Variants in RTN3 observed in about 807,000 individuals in gnomAD.
The protein encoded by RTN3 is reticulon 3, also known as reticulon-3.
RTN3 carries 49 observed loss-of-function variants against 77.8 expected under a neutral mutation model. The observed-to-expected ratio is 0.63, with a 90% CI of 0.50 to 0.80. The LOEUF (loss-of-function observed/expected upper bound fraction) is 0.80, where lower values mean the gene tolerates loss of function less well. RTN3 is among the 30% of genes least tolerant of loss of function. RTN3 has a pLI of 0.00. For missense variants in RTN3, 1,236 were observed against 1,211.9 expected (o/e 1.02, Z -0.29); for synonymous variants, 464 against 446.9 (o/e 1.04, Z -0.48).
intron 1 of RTN3, among the ~76,000 whole-genome samples, chr11:63,682,379 G>A (rs1941106934): frequency 6.6e-6 from 1 of 151,972 alleles, no homozygotes; most frequent in African/African-American, 2.4e-5. Context: ...CATGAATGCC[G>A]GATTTTTCTG....
intron 3 of RTN3, among the ~76,000 whole-genome samples, chr11:63,735,594 CTCTCTCTT>C (rs1165026245): frequency 1.3e-4 from 19 of 148,924 alleles, no homozygotes; most frequent in African/African-American, 3.8e-4. Context: ...CTCTCTCTCT[CTCTCTCTT>C]TCTTTCAACC....
chr11:63,734,781 A>ACACACCCACCCCCCC (rs778043704), intron 3 of RTN3, among the ~76,000 whole-genome samples: 1 of 105,000 alleles, frequency 9.5e-6, no homozygotes, highest in African/African-American at 3.9e-5. Flanking sequence ...ACACACACAC[A>ACACACCCACCCCCCC]CCATACTGGA....
rs761525992 is a variant in RTN3 at position 63,718,905 on chromosome 11, G to A, written c.403G>A (p.Gly135Arg). Residue 135 changes from glycine to arginine, a missense_variant, in exon 3 of 9, where the codon GGG (glycine) becomes AGG (arginine). By Grantham distance (125) the Gly-to-Arg change is moderately radical. Transcript: ENST00000377819. The part of the protein sequence containing the change: ...LDMKKMEKPQ[G>R]TSNNVSDSSV... ...TATGAAAAAGATGGAAAAGCCTCAG[G>A]GGACCAGCAACAACGTATCAGACTC... is the stretch of plus-strand genomic sequence containing the variant. 6.2e-7 allele frequency: 1 copy of A among 1,614,114 alleles called. No individual in the cohort carries two copies. Among genetic ancestry groups the A allele is most frequent in the Non-Finnish European group, 8.5e-7 (1 of 1,180,020 alleles).
At chr11:63,758,013 G>A (rs2014472295) in intron 8 of RTN3, 143 bp from the exon 9 acceptor site, 6 of 630,894 alleles carry the variant, frequency 9.5e-6, no homozygotes, top group Non-Finnish European at 1.7e-5. Context: ...ACACGCGTGA[G>A]CCACCATACC....
rs533071564 is a variant in RTN3, at chr11:63,705,075, T to C, written c.199+168T>C. ...GCAGTTTCCAGTGGGTTTCGTGTAA[T>C]GGTTAATAAAGTAAAATGAGGCTGG... On this transcript the variant is annotated intron_variant, in intron 2 of 8. Coordinates refer to ENST00000377819, the MANE Select transcript of RTN3 (RefSeq NM_001265589.2). Among the ~76,000 whole-genome samples, 4 of 152,304 alleles carry C rather than the reference T, an allele frequency of 2.6e-5. No individual in the cohort carries two copies. The East Asian group carries it at 5.8e-4, about 22-fold the overall frequency.
intron 1 of RTN3, among the ~76,000 whole-genome samples, chr11:63,697,743 TG>T (rs1942037415): frequency 2.0e-5 from 3 of 152,176 alleles, no homozygotes; most frequent in South Asian, 4.1e-4. Context: ...CCCAAAGTGC[TG>T]GCATTACAGG....
At position 63,726,860 on chromosome 11, in the gene RTN3, T is replaced by TCA. The variant is rs780771200; in HGVS notation, c.2530+5828_2530+5829insCA. Among the ~76,000 whole-genome samples, 72 of 89,438 alleles carry TCA rather than the reference T, an allele frequency of 8.1e-4. 5 individuals are homozygous for TCA. The highest frequency in any genetic ancestry group is 2.1e-3 in the African/African-American group (54 of 25,646). 58.7% of individuals were successfully genotyped at this position (89,438 alleles called of 152,430 possible). On this transcript the variant is annotated intron_variant, in intron 3 of 8. Coordinates refer to ENST00000377819, the MANE Select transcript of RTN3 (RefSeq NM_001265589.2). Reference sequence around the variant, plus strand: ...CTGGGTGACAGAGTAAGACTCCGTCTGAAAAAAAAAAAAAAAAAGAAGAAG... The same window carrying TCA: ...CTGGGTGACAGAGTAAGACTCCGTCTCAGAAAAAAAAAAAAAAAAAGAAGAAG...
chr11:63,735,286 C>T (rs376748180), intron 3 of RTN3, among the ~76,000 whole-genome samples: 81 of 152,054 alleles, frequency 5.3e-4, no homozygotes, highest in African/African-American at 8.7e-4. Flanking sequence ...CCACAATGCC[C>T]GACCTAGAAA....
At chr11:63,724,173 CTTTT>C (rs958114305) in intron 3 of RTN3, among the ~76,000 whole-genome samples, 1 of 85,462 alleles carries the variant, frequency 1.2e-5, no homozygotes, top group African/African-American at 4.9e-5. Flanking sequence ...TTTAGGAATT[CTTTT>C]TTTTTTTTTT....
At chr11:63,742,330 C>T (rs1467396993) in intron 3 of RTN3, among the ~76,000 whole-genome samples, 1 of 150,630 alleles carries the variant, frequency 6.6e-6, no homozygotes. Context: ...TTTAGATTAG[C>T]TTGTCCATTT....
chr11:63,747,067 G>T (rs1255285095), intron 3 of RTN3: 1 of 455,132 alleles, frequency 2.2e-6, no homozygotes, highest in Non-Finnish European at 4.4e-6. Context: ...TGACATTTTT[G>T]AAGACTATAG....
chr11:63,754,420 G>A (rs1051081256), intron 7 of RTN3, among the ~76,000 whole-genome samples: 18 of 152,150 alleles, frequency 1.2e-4, no homozygotes, highest in African/African-American at 4.1e-4. Context: ...CCAGTGTGGG[G>A]CCAGGCACGG....
At chr11:63,732,456 T>A (rs1249101003) in intron 3 of RTN3, among the ~76,000 whole-genome samples, 2 of 151,394 alleles carry the variant, frequency 1.3e-5, no homozygotes, top group East Asian at 3.9e-4. Flanking sequence ...GTTATAGGTG[T>A]GAGCCACTTT....
At chr11:63,754,925 CAAAAA>C (rs373589429) in intron 7 of RTN3, among the ~76,000 whole-genome samples, 1 of 96,958 alleles carries the variant, frequency 1.0e-5, no homozygotes, top group African/African-American at 4.1e-5. Context: ...GACTCTGTCT[CAAAAA>C]AAAAAAAAAA....
chr11:63,683,520 T>C (rs1941178280), intron 1 of RTN3, among the ~76,000 whole-genome samples: 3 of 152,246 alleles, frequency 2.0e-5, no homozygotes, highest in Admixed American at 1.3e-4. Context: ...TTAGTCCTAG[T>C]TTGTTTATAA....
chr11:63,701,591 A>T (rs1180107949), intron 1 of RTN3, among the ~76,000 whole-genome samples: 5 of 152,096 alleles, frequency 3.3e-5, no homozygotes, highest in Non-Finnish European at 2.9e-5. Flanking sequence ...CATGCAGAAG[A>T]CACAGGGGGC....
At chr11:63,688,838 A>T (rs1941507935) in intron 1 of RTN3, among the ~76,000 whole-genome samples, 1 of 152,194 alleles carries the variant, frequency 6.6e-6, no homozygotes, top group South Asian at 2.1e-4. Context: ...TGTAAAATGA[A>T]GTTTGGTCAT....
intron 2 of RTN3, among the ~76,000 whole-genome samples, chr11:63,718,487 A>G (rs376215166): frequency 2.0e-5 from 3 of 152,136 alleles, no homozygotes; most frequent in Non-Finnish European, 2.9e-5. Context: ...TTGTGGCATG[A>G]TATGGCTTTT....
Position 63,720,385 on chromosome 11 carries a change from A to G in RTN3, c.1883A>G (p.Asn628Ser). 1.2e-6 allele frequency: 2 copies of G among 1,614,118 alleles called. No individual in the cohort carries two copies. Among genetic ancestry groups the G allele is most frequent in the Non-Finnish European group, 1.7e-6 (2 of 1,180,008 alleles). The change falls in exon 3 of 9, where the codon AAT (asparagine) becomes AGT (serine). Residue 628 changes from asparagine to serine, a missense_variant. By Grantham distance (46) the Asn-to-Ser change is conservative (BLOSUM62 1). This residue lies in a region of RTN3 where 1,056 missense variants were observed against 990.4 expected (regional missense o/e 1.07). Coordinates refer to ENST00000377819, the MANE Select transcript of RTN3 (RefSeq NM_001265589.2). ...TTTAATGAGACAGAATTCTCATTAA[A>G]TGTGACAACATCTGCCTATTTGGAG... ...NVFNETEFSL[N>S]VTTSAYLESL...
Sources: allele counts gnomAD v4.1 joint callset (sites outside exome capture counted in the v4.1 genomes callset), GRCh38; gene constraint gnomAD v4.1.1; regional missense constraint gnomAD v4.1.1; transcripts MANE v1.5; gene names NCBI Gene and HGNC (gene_info 2026-07-23, HGNC 2026-07-21).